The following LRMDA variants were observed in gnomAD, a reference collection of about 807,000 sequenced individuals.
LRMDA encodes the protein leucine-rich melanocyte differentiation-associated protein.
In LRMDA, 18 loss-of-function variants were observed where a neutral mutation model predicts 29.8. That is an observed-to-expected ratio of 0.60 (90% CI 0.42 to 0.90). LRMDA has a LOEUF of 0.90. Among genes scored for constraint, LRMDA ranks in the 40% least tolerant of loss-of-function variants. LRMDA has a pLI of 0.00. For synonymous variants in LRMDA, 125 were observed against 109.4 expected, an observed-to-expected ratio of 1.14 and a Z score of -0.89; for missense variants, 273 against 273.9, an observed-to-expected ratio of 1.00 and a Z score of 0.02.
intron 5 of LRMDA, among the ~76,000 whole-genome samples, chr10:76,074,505 C>T (rs1322527560): frequency 6.6e-6 from 1 of 152,054 alleles, no homozygotes; most frequent in African/African-American, 2.4e-5. Flanking sequence ...GACAAATGGC[C>T]TGTTTAAATA....
At chr10:76,060,383 C>G (rs1848685072) in intron 5 of LRMDA, among the ~76,000 whole-genome samples, 1 of 152,122 alleles carries the variant, frequency 6.6e-6, no homozygotes, top group Admixed American at 6.5e-5. Flanking sequence ...GCCCACCCCC[C>G]ATTCTTCTAA....
intron 5 of LRMDA, among the ~76,000 whole-genome samples, chr10:76,192,854 C>G (rs918385640): frequency 6.6e-6 from 1 of 152,146 alleles, no homozygotes; most frequent in East Asian, 1.9e-4. Context: ...CTCAGACTTG[C>G]ACTGCTCCGA....
chr10:76,095,575 T>C (rs914512428), intron 5 of LRMDA, among the ~76,000 whole-genome samples: 2 of 152,256 alleles, frequency 1.3e-5, no homozygotes, highest in African/African-American at 4.8e-5. Flanking sequence ...AGACTGTTTT[T>C]CAAAGTGGCT....
At chr10:75,765,471 T>C (rs1297426622) in intron 2 of LRMDA, among the ~76,000 whole-genome samples, 2 of 152,228 alleles carry the variant, frequency 1.3e-5, no homozygotes, top group African/African-American at 4.8e-5. Context: ...GCACCTGGAT[T>C]GCAGCTGGAT....
intron 5 of LRMDA, among the ~76,000 whole-genome samples, chr10:76,170,799 G>A (rs950590074): frequency 3.3e-5 from 5 of 152,154 alleles, no homozygotes; most frequent in African/African-American, 1.2e-4. Flanking sequence ...CTGGACTGAA[G>A]TTCACCTTCT....
intron 2 of LRMDA, among the ~76,000 whole-genome samples, chr10:75,873,798 T>C (rs1304345268): frequency 1.3e-5 from 2 of 152,190 alleles, no homozygotes; most frequent in African/African-American, 4.8e-5. Flanking sequence ...TTCCAGCTAA[T>C]GTCATCAGCG....
chr10:75,432,761 A>G (rs1187094800), intron 1 of LRMDA, among the ~76,000 whole-genome samples: 1 of 152,194 alleles, frequency 6.6e-6, no homozygotes, highest in Non-Finnish European at 1.5e-5. Context: ...GCTCCTACAG[A>G]TGCAGTGAGG....
At chr10:76,027,855 A>G (rs531332196) in intron 2 of LRMDA, among the ~76,000 whole-genome samples, 1 of 152,332 alleles carries the variant, frequency 6.6e-6, no homozygotes, top group South Asian at 2.1e-4. Context: ...CTCATTAGAT[A>G]GCTGCCTACA....
At chr10:76,062,656 C>CTGTGTGTGTGTGTG (rs376071517) in intron 5 of LRMDA, among the ~76,000 whole-genome samples, 3 of 139,208 alleles carry the variant, frequency 2.2e-5, no homozygotes, top group African/African-American at 8.3e-5. Context: ...CTTTATCTCT[C>CTGTGTGTGTGTGTG]TGTGTGTGTG....
chr10:75,991,646 T>G (rs1180405670), intron 2 of LRMDA, among the ~76,000 whole-genome samples: 1 of 152,232 alleles, frequency 6.6e-6, no homozygotes, highest in African/African-American at 2.4e-5. Flanking sequence ...GCAGGAAAGA[T>G]GCGTGACTGA....
intron 2 of LRMDA, among the ~76,000 whole-genome samples, chr10:75,662,500 C>T (rs1841767090): frequency 6.6e-6 from 1 of 152,118 alleles, no homozygotes; most frequent in South Asian, 2.1e-4. Flanking sequence ...GTAAAAGCAA[C>T]AAATCTTTAC....
At chr10:76,225,717 T>C (rs975085299) in intron 5 of LRMDA, among the ~76,000 whole-genome samples, 4 of 148,270 alleles carry the variant, frequency 2.7e-5, no homozygotes, top group Admixed American at 1.4e-4. Context: ...TATTTATTTA[T>C]TTATTATTAT....
At chr10:76,000,353 G>T (rs1315536999) in intron 2 of LRMDA, among the ~76,000 whole-genome samples, 12 of 152,166 alleles carry the variant, frequency 7.9e-5, no homozygotes, top group Admixed American at 7.9e-4. Context: ...TGTCTCCTGG[G>T]AGCCATCAGC....
chr10:76,250,652 A>G (rs891801168), intron 5 of LRMDA, among the ~76,000 whole-genome samples: 4 of 152,230 alleles, frequency 2.6e-5, no homozygotes, highest in Non-Finnish European at 5.9e-5. Context: ...ATGAATAAGT[A>G]TTAAAACTGC....
rs1282933830 is a variant in LRMDA, at chr10:76,265,563, G to C, written c.517-58838G>C. Among the ~76,000 whole-genome samples, 3 of 152,292 alleles carry C rather than the reference G, an allele frequency of 2.0e-5. No homozygotes were observed. In the East Asian group the frequency reaches 5.8e-4, roughly 29 times the overall value. ...ACTTTCCACATGGTCAGGAAGTTTT[G>C]GATGTCTATAACAAGCACAGGCGAG... On this transcript the variant is annotated intron_variant, in intron 5 of 6. Coordinates refer to ENST00000611255, the MANE Select transcript of LRMDA (RefSeq NM_001305581.2).
chr10:75,821,291 T>C (rs1476101894), intron 2 of LRMDA, among the ~76,000 whole-genome samples: 1 of 152,106 alleles, frequency 6.6e-6, no homozygotes, highest in African/African-American at 2.4e-5. Context: ...CTGAATCCAA[T>C]AGCACATAAA....
chr10:75,453,593 T>C (rs1266844964), intron 2 of LRMDA, among the ~76,000 whole-genome samples: 3 of 152,140 alleles, frequency 2.0e-5, no homozygotes, highest in Non-Finnish European at 4.4e-5. Flanking sequence ...AATATGTGAG[T>C]TTTGAGGTGC....
At chr10:75,657,753 G>T (rs972429295) in intron 2 of LRMDA, among the ~76,000 whole-genome samples, 2 of 152,150 alleles carry the variant, frequency 1.3e-5, no homozygotes, top group Admixed American at 6.5e-5. Context: ...GGGCAAACTG[G>T]TGGGCAAATT....
chr10:75,550,995 ACT>A (rs372196956), intron 2 of LRMDA, among the ~76,000 whole-genome samples: 29 of 150,392 alleles, frequency 1.9e-4, no homozygotes, highest in African/African-American at 7.1e-4. Context: ...TATGTTATAA[ACT>A]CTACTGATCA....
Sources: gnomAD v4.1 joint callset for allele counts (sites outside exome capture counted in the v4.1 genomes callset) on GRCh38, gnomAD v4.1.1 for gene constraint, MANE v1.5 for transcripts, NCBI Gene and HGNC (gene_info 2026-07-23, HGNC 2026-07-21) for gene names.